Variants in CCSER1 observed in about 807,000 individuals in gnomAD.
CCSER1 encodes coiled-coil serine rich protein 1, also known as serine-rich coiled-coil domain-containing protein 1.
CCSER1 carries 41 observed loss-of-function variants against 82.0 expected under a neutral mutation model. The ratio of observed to expected loss-of-function variants is 0.50; its 90% CI spans 0.39 to 0.65. The LOEUF (loss-of-function observed/expected upper bound fraction) is 0.65, where lower values mean the gene tolerates loss of function less well. Among genes scored for constraint, CCSER1 ranks in the 30% least tolerant of loss-of-function variants. The pLI, the probability that CCSER1 is intolerant of heterozygous loss-of-function variation, is 0.00. For synonymous variants in CCSER1, 414 were observed against 383.9 expected (o/e 1.08, Z -0.92); for missense variants, 1,119 against 1,064.2 (o/e 1.05, Z -0.72).
chr4:91,106,423 C>T (rs1283810920), intron 10 of CCSER1, among the ~76,000 whole-genome samples: 1 of 152,094 alleles, frequency 6.6e-6, no homozygotes, highest in Non-Finnish European at 1.5e-5. Context: ...AATAGACATA[C>T]CACAACTGAA....
intron 1 of CCSER1, among the ~76,000 whole-genome samples, chr4:90,259,105 A>G (rs1433311808): frequency 6.6e-6 from 1 of 152,150 alleles, no homozygotes; most frequent in African/African-American, 2.4e-5. Context: ...GATTCTTCCT[A>G]TCTATGAGCA....
At chr4:90,188,414 T>G (rs1735015504) in intron 1 of CCSER1, among the ~76,000 whole-genome samples, 1 of 151,930 alleles carries the variant, frequency 6.6e-6, no homozygotes, top group Non-Finnish European at 1.5e-5. Flanking sequence ...TAAGAAGTCT[T>G]CCAAGAGTTT....
intron 10 of CCSER1, among the ~76,000 whole-genome samples, chr4:91,201,796 T>A (rs76968352): frequency 0.048 from 7,307 of 152,040 alleles, 203 homozygotes; most frequent in African/African-American, 0.083. Context: ...CTTTTCAAAA[T>A]GACATCAGTA....
At chr4:90,791,586 C>T (rs1467134130) in intron 7 of CCSER1, among the ~76,000 whole-genome samples, 2 of 151,792 alleles carry the variant, frequency 1.3e-5, no homozygotes, top group African/African-American at 4.8e-5. Context: ...TGCAGTGGCT[C>T]ATACCTGTAA....
chr4:90,580,018 T>G (rs1579280471), intron 5 of CCSER1, among the ~76,000 whole-genome samples: 1 of 152,140 alleles, frequency 6.6e-6, no homozygotes, highest in Non-Finnish European at 1.5e-5. Context: ...AGGCCACATC[T>G]TAGCGGTTCT....
intron 3 of CCSER1, among the ~76,000 whole-genome samples, chr4:90,356,641 T>C (rs531846569): frequency 2.8e-4 from 42 of 151,948 alleles, no homozygotes; most frequent in Non-Finnish European, 5.5e-4. Context: ...TAAAATCTTA[T>C]AGGGAGACAA....
chr4:90,820,536 A>G (rs746821623), intron 8 of CCSER1, among the ~76,000 whole-genome samples: 10 of 152,098 alleles, frequency 6.6e-5, no homozygotes, highest in African/African-American at 9.7e-5. Context: ...GCTTTAGTAT[A>G]TACATGACAT....
At chr4:90,570,169 C>A (rs1779930677) in intron 5 of CCSER1, among the ~76,000 whole-genome samples, 1 of 152,276 alleles carries the variant, frequency 6.6e-6, no homozygotes, top group Non-Finnish European at 1.5e-5. Context: ...AGCTGGGCAT[C>A]CCTCCCTTCA....
intron 7 of CCSER1, among the ~76,000 whole-genome samples, chr4:90,751,353 A>G (rs565323800): frequency 1.3e-5 from 2 of 152,214 alleles, no homozygotes; most frequent in Non-Finnish European, 2.9e-5. Context: ...TGTGGTAAAA[A>G]CAGCGTAAGT....
chr4:91,356,586 T>C (rs1748848925), intron 10 of CCSER1, among the ~76,000 whole-genome samples: 1 of 152,298 alleles, frequency 6.6e-6, no homozygotes, highest in African/African-American at 2.4e-5. Context: ...GATAGCCAAA[T>C]GGACTAAAGC....
chr4:91,014,022 C>G (rs1176387751), intron 9 of CCSER1, among the ~76,000 whole-genome samples: 2 of 133,316 alleles, frequency 1.5e-5, no homozygotes, highest in Admixed American at 7.5e-5. Context: ...TAAGAAGGAA[C>G]CAAACACATA....
At chr4:91,462,943 C>T (rs897483112) in intron 10 of CCSER1, among the ~76,000 whole-genome samples, 1 of 152,080 alleles carries the variant, frequency 6.6e-6, no homozygotes, top group Non-Finnish European at 1.5e-5. Context: ...AGGGCATAGC[C>T]GAACAAAAAG....
chr4:90,187,754 T>A (rs1384520911), intron 1 of CCSER1, among the ~76,000 whole-genome samples: 1 of 152,038 alleles, frequency 6.6e-6, no homozygotes, highest in African/African-American at 2.4e-5. Context: ...ACACCACAGA[T>A]GAATATAGTG....
At chr4:90,311,980 T>G (rs1454560671) in intron 2 of CCSER1, among the ~76,000 whole-genome samples, 1 of 152,196 alleles carries the variant, frequency 6.6e-6, no homozygotes, top group African/African-American at 2.4e-5. Context: ...ATGCTATATA[T>G]ATCAGATGGT....
chr4:91,475,942 G>T (rs773030106), intron 10 of CCSER1, among the ~76,000 whole-genome samples: 1 of 151,740 alleles, frequency 6.6e-6, no homozygotes, highest in Non-Finnish European at 1.5e-5. Context: ...ATATCCTCCA[G>T]TTCCATCCAT....
At chr4:91,348,372 T>A (rs1748218743) in intron 10 of CCSER1, among the ~76,000 whole-genome samples, 1 of 152,152 alleles carries the variant, frequency 6.6e-6, no homozygotes, top group Admixed American at 6.5e-5. Context: ...ATTGTTGGAT[T>A]TAATGTGCTT....
chr4:91,020,711 A>G (rs934166590), intron 9 of CCSER1, among the ~76,000 whole-genome samples: 1 of 152,206 alleles, frequency 6.6e-6, no homozygotes, highest in African/African-American at 2.4e-5. Flanking sequence ...AAGAAATAAG[A>G]GCAAGGAAAT....
intron 8 of CCSER1, among the ~76,000 whole-genome samples, chr4:90,848,291 G>A (rs1423460451): frequency 6.6e-6 from 1 of 152,044 alleles, no homozygotes; most frequent in African/African-American, 2.4e-5. Flanking sequence ...ATGTAAAATT[G>A]GTGCCCAAAT....
At chr4:91,133,216 C>A (rs976163563) in intron 10 of CCSER1, among the ~76,000 whole-genome samples, 6 of 151,930 alleles carry the variant, frequency 3.9e-5, no homozygotes, top group African/African-American at 1.5e-4. Context: ...CTCTTCCTAC[C>A]CCCTCCTCTT....
Sources: allele counts gnomAD v4.1 joint callset (sites outside exome capture counted in the v4.1 genomes callset), GRCh38; gene constraint gnomAD v4.1.1; transcripts MANE v1.5; gene names NCBI Gene and HGNC (gene_info 2026-07-23, HGNC 2026-07-21).